Variants in NTRK1 observed in about 807,000 individuals in gnomAD.
NTRK1 encodes neurotrophic receptor tyrosine kinase 1.
In NTRK1, 62 loss-of-function variants were observed where a neutral mutation model predicts 86.8. That is an observed-to-expected ratio of 0.71 (90% CI 0.58 to 0.88). The LOEUF (loss-of-function observed/expected upper bound fraction) is 0.88, where lower values mean the gene tolerates loss of function less well. Ranked by LOEUF, NTRK1 falls within the 40% of genes least tolerant of loss-of-function variation. The pLI is 0.00. For missense variants in NTRK1, 967 were observed against 1,078.4 expected (o/e 0.90, Z 1.45); for synonymous variants, 469 against 456.6 (o/e 1.03, Z -0.35).
intron 16 of NTRK1, among the ~76,000 whole-genome samples, chr1:156,880,950 A>G (rs1321133026): frequency 6.6e-6 from 1 of 152,184 alleles, no homozygotes; most frequent in African/African-American, 2.4e-5. Flanking sequence ...TCTTTTTGGG[A>G]GAGCTAGTCA....
rs769308621 is a variant in NTRK1, at chr1:156,879,991, C to T, written c.2047-8C>T. On this transcript the variant is annotated splice_region_variant and splice_polypyrimidine_tract_variant and intron_variant, in intron 15 of 16. Coordinates refer to ENST00000524377, the MANE Select transcript of NTRK1 (RefSeq NM_002529.4). ...CCCTGGAATTGATGCAGTGTCCGCC[C>T]GTGGCAGGTGGGAGGCCGCACCATG... The T allele has an allele frequency of 1.6e-5, 25 of 1,612,528 alleles. No homozygotes were observed. The South Asian group carries it at 1.6e-4, about 11-fold the overall frequency.
At chr1:156,841,744 C>T (rs1385545544) in intron 1 of NTRK1, 2 of 1,614,052 alleles carry the variant, frequency 1.2e-6, no homozygotes, top group Non-Finnish European at 1.7e-6. Flanking sequence ...AGCCCCTTCC[C>T]ACCCTTGCGG....
At position 156,874,384 on chromosome 1, in the gene NTRK1, C is replaced by T. The variant is rs761662913; in HGVS notation, c.1179C>T (p.Val393=). Reference sequence around the variant, plus strand: ...TTTCTCTCCTCCCTCCTGCTGCAGTCTCCTTCTCGCCGGTGGGTGAGTAGC... The same window carrying T: ...TTTCTCTCCTCCCTCCTGCTGCAGTTTCCTTCTCGCCGGTGGGTGAGTAGC... ...FEFNPEDPIP[V]SFSPVDTNST... is the part of the protein sequence containing the mutation. Residue 393 remains valine (V), a splice_region_variant and synonymous_variant, in exon 9 of 17, where the codon GTC becomes GTT. Transcript: ENST00000524377. 6.2e-7 allele frequency: 1 copy of T among 1,614,190 alleles called. No homozygotes were observed.
chr1:156,842,127 T>C (rs759794005), exon 2 of NTRK1: 1 of 1,613,974 alleles, frequency 6.2e-7, no homozygotes, highest in East Asian at 2.2e-5. Context: ...ATCTTGACGG[T>C]GAAGTCCTGG....
intron 1 of NTRK1, chr1:156,841,098 C>T (rs1235884910): frequency 6.4e-7 from 1 of 1,559,530 alleles, no homozygotes; most frequent in Non-Finnish European, 8.7e-7. Context: ...GGCTCATCAG[C>T]TCCTGCCTGG....
chr1:156,853,943 T>C, intron 2 of NTRK1: 1 of 1,613,610 alleles, frequency 6.2e-7, no homozygotes, highest in Non-Finnish European at 8.5e-7. Flanking sequence ...GGTGGAGAGG[T>C]GGCAGAGCTC....
At chr1:156,870,122 C>G (rs1181676122) in intron 6 of NTRK1, among the ~76,000 whole-genome samples, 8 of 152,300 alleles carry the variant, frequency 5.3e-5, no homozygotes, top group Middle Eastern at 3.4e-3. Flanking sequence ...AGAAAGGGGA[C>G]CAGGCAGAGG....
Position 156,871,796 on chromosome 1 carries a change from T to C in NTRK1, c.850+41T>C, listed in dbSNP as rs369850240. On this transcript the variant is annotated intron_variant, in intron 7 of 16. Transcript: ENST00000524377. ...AGCTCCGGCACCCACCCCCTACTCA[T>C]CTCTTCTTCCCTCAAAAGAGGATGT... 30 of 1,613,268 alleles carry C rather than the reference T, an allele frequency of 1.9e-5. No homozygotes were observed. The African/African-American group carries it at 2.0e-4, about 11-fold the overall frequency.
intron 1 of NTRK1, chr1:156,816,623 G>T (rs914207808): frequency 1.8e-5 from 28 of 1,575,526 alleles, no homozygotes; most frequent in African/African-American, 6.8e-5. Context: ...AGGGCAGGGG[G>T]ATGGGGGTCT....
In NTRK1 at chr1:156,854,146, G is replaced by A. The variant is rs1364478564; in HGVS notation, c.51-10208G>A. On this transcript the variant is annotated intron_variant, in intron 2 of 16. Transcript: ENST00000392302. This position sits in a 1 kb window ranked among gnomAD's most constrained non-coding sequence, Gnocchi z 4.2. ...CGTAGACACGGAAGAGCAGCAGGTA[G>A]TCGGTGACCTGGGTGAGGCGAGGGA... 1 of 1,614,184 alleles carries A rather than the reference G, an allele frequency of 6.2e-7. No homozygotes were observed. The highest frequency in any genetic ancestry group is 1.1e-5 in the South Asian group (1 of 91,090).
chr1:156,854,057 A>G lies in NTRK1; in HGVS notation c.51-10297A>G, dbSNP rs1280521996. The G allele has an allele frequency of 6.2e-7, 1 of 1,614,154 alleles. No homozygotes were observed. The highest frequency in any genetic ancestry group is 8.5e-7 in the Non-Finnish European group (1 of 1,180,048). On this transcript the variant is annotated intron_variant, in intron 2 of 16. Coordinates refer to the NTRK1 transcript ENST00000392302. The surrounding 1 kb of genome is among the most constrained non-coding windows in gnomAD (Gnocchi z 4.2). ...CTCAAAGATGACCAGTGCATAGCCC[A>G]GGAAGAGGCGCGTCCCGCGGATGAC...
chr1:156,830,515 G>A (rs1654439846), intron 1 of NTRK1, among the ~76,000 whole-genome samples: 1 of 151,244 alleles, frequency 6.6e-6, no homozygotes, highest in African/African-American at 2.4e-5. Flanking sequence ...GTAAACGGGG[G>A]AAGAACACCT....
intron 1 of NTRK1, chr1:156,840,640 C>T (rs182820563): frequency 5.2e-6 from 3 of 580,840 alleles, no homozygotes; most frequent in African/African-American, 1.9e-5. Context: ...GATCTCTACT[C>T]CTCTGGCTTT....
intron 2 of NTRK1, chr1:156,852,185 G>A (rs1017197275): frequency 6.9e-6 from 11 of 1,595,060 alleles, no homozygotes; most frequent in Non-Finnish European, 7.7e-6. Flanking sequence ...ATGGGGGCAG[G>A]GGCACACTGT....
intron 1 of NTRK1, among the ~76,000 whole-genome samples, chr1:156,818,837 C>T (rs1311495128): frequency 1.3e-5 from 2 of 151,978 alleles, no homozygotes; most frequent in South Asian, 2.1e-4. Flanking sequence ...GAATAGACAC[C>T]CAGTAGTGGG....
chr1:156,874,028 A>G lies in NTRK1; in HGVS notation c.1177+69A>G, dbSNP rs112966253. The G allele has an allele frequency of 1.1e-3, 1,639 of 1,474,208 alleles. 10 individuals carry two copies. The African/African-American group carries it at 0.02, about 18-fold the overall frequency. 91.3% of individuals were successfully genotyped at this position (1,474,208 alleles called of 1,614,324 possible). ...CCTGGGTTACAGCCAACTTCCTGCT[A>G]TAGCCCTGACCCCAGAAATTGGAGT... On this transcript the variant is annotated intron_variant, in intron 8 of 16. Transcript: ENST00000524377.
intron 1 of NTRK1, among the ~76,000 whole-genome samples, chr1:156,829,183 T>C (rs1453981960): frequency 6.6e-6 from 1 of 151,918 alleles, no homozygotes; most frequent in East Asian, 1.9e-4. Context: ...TGTAGGGTGT[T>C]AGATGTAGAG....
chr1:156,830,190 T>A (rs1320334556), intron 1 of NTRK1, among the ~76,000 whole-genome samples: 1 of 152,232 alleles, frequency 6.6e-6, no homozygotes, highest in Non-Finnish European at 1.5e-5. Flanking sequence ...TTGTGATCAC[T>A]GCAATAGAAG....
intron 2 of NTRK1, chr1:156,851,381 C>G: frequency 2.5e-6 from 4 of 1,614,088 alleles, no homozygotes; most frequent in Non-Finnish European, 2.5e-6. Context: ...TTGAGGAAGC[C>G]AGTAATGGTT....
Sources: allele counts gnomAD v4.1 joint callset (sites outside exome capture counted in the v4.1 genomes callset), GRCh38; gene constraint gnomAD v4.1.1; non-coding constraint Gnocchi (gnomAD v3.1); transcripts MANE v1.5; gene names NCBI Gene and HGNC (gene_info 2026-07-23, HGNC 2026-07-21).